SEC16A: variants seen among roughly 807,000 people sequenced by gnomAD.
SEC16A encodes SEC16 homolog A, endoplasmic reticulum export factor.
A neutral mutation model predicts 221.9 loss-of-function variants in SEC16A; 110 were observed. The ratio of observed to expected loss-of-function variants is 0.50; its 90% CI spans 0.42 to 0.58. The LOEUF is 0.58. SEC16A is among the 20% of genes least tolerant of loss of function. The pLI, the probability that SEC16A is intolerant of heterozygous loss-of-function variation, is 0.00. For missense variants in SEC16A, 3,165 were observed against 3,097.8 expected, an observed-to-expected ratio of 1.02 and a Z score of -0.52; for synonymous variants, 1,393 against 1,257.7, an observed-to-expected ratio of 1.11 and a Z score of -2.28.
At chr9:136,473,325 G>A (rs891838948) in intron 3 of SEC16A, among the ~76,000 whole-genome samples, 3 of 152,260 alleles carry the variant, frequency 2.0e-5, no homozygotes, top group Non-Finnish European at 4.4e-5. Flanking sequence ...CCCAATCGGT[G>A]TATGTTGAAC....
rs1216026874 is a variant in SEC16A, at chr9:136,475,004, C to T, written c.2612G>A (p.Ser871Asn). The change falls in exon 3 of 32, where the codon AGC becomes AAC. Residue 871 changes from serine to asparagine, a missense_variant. Ser to Asn is a conservative substitution (Grantham distance 46, BLOSUM62 1). This residue lies in a region of SEC16A where 2,030 missense variants were observed against 1,923.1 expected (regional missense o/e 1.06). Transcript: ENST00000684901. The surrounding 1 kb of genome is among the most constrained non-coding windows in gnomAD (Gnocchi z 5.0). ...AGAATCACCACCGAGAGCCCAACTG[C>T]TGACTGCAGGTCTATCCCCCACCAA... Reference protein sequence around the residue: ...EALVGDRPAVSSWALGGDSGE... With the variant: ...EALVGDRPAVNSWALGGDSGE... 1 of 1,613,764 alleles carries T rather than the reference C, an allele frequency of 6.2e-7. No individual in the cohort carries two copies. Among genetic ancestry groups the T allele is most frequent in the Admixed American group, 1.7e-5 (1 of 59,996 alleles).
rs753137789 is a variant in SEC16A, at chr9:136,466,359, G to A, written c.4033C>T (p.Arg1345Trp). 3.1e-5 allele frequency: 49 copies of A among 1,590,174 alleles called. No homozygotes were observed. The highest frequency in any genetic ancestry group is 7.1e-5 in the Admixed American group (4 of 56,552). Reference protein sequence around the residue: ...HRDPYGEEVDRRSVHSEHSAR... With the variant: ...HRDPYGEEVDWRSVHSEHSAR... ...GAGTGCTCGCTGTGGACGCTGCGCC[G>A]GTCCACCTCTTCCCCATAAGGGTCT... is the stretch of plus-strand genomic sequence containing the variant. Residue 1345 changes from arginine (R) to tryptophan (W), a missense_variant, in exon 7 of 32, where the codon CGG becomes TGG. Arg to Trp is a moderately radical substitution (Grantham distance 101). This residue lies in a region of SEC16A where 2,030 missense variants were observed against 1,923.1 expected (regional missense o/e 1.06). Transcript: ENST00000684901. The surrounding 1 kb of genome is among the most constrained non-coding windows in gnomAD (Gnocchi z 5.5).
chr9:136,463,333 C>CT (rs1839752927), intron 11 of SEC16A, 130 bp downstream of exon 11: 7 of 1,322,836 alleles, frequency 5.3e-6, no homozygotes, highest in Non-Finnish European at 7.3e-6. Context: ...AGTGTGCTTC[C>CT]TAAGGGGGCC....
chr9:136,463,734 G>A lies in SEC16A; in HGVS notation c.4453C>T (p.Leu1485=). The change falls in exon 10 of 32, where the codon CTG becomes TTG. Residue 1485 remains leucine, a synonymous_variant. Coordinates refer to ENST00000684901, the MANE Select transcript of SEC16A (RefSeq NM_014866.2). ...LVEVHSMEAL[L]QHTSEQEEMR... ...TCCTCCTGCTCAGACGTGTGCTGCA[G>A]CAAGGCCTACGAGGAGAGGGCCGTG... 6.2e-7 allele frequency: 1 copy of A among 1,611,944 alleles called. No homozygotes were observed. The highest frequency in any genetic ancestry group is 8.5e-7 in the Non-Finnish European group (1 of 1,179,730).
intron 31 of SEC16A, among the ~76,000 whole-genome samples, chr9:136,442,524 G>A (rs765244769): frequency 3.3e-5 from 5 of 152,308 alleles, no homozygotes; most frequent in African/African-American, 1.2e-4. Context: ...CTTGGACCCC[G>A]CTCAGCTCCC....
rs556047151 is a variant in SEC16A at position 136,454,932 on chromosome 9, G to T, written c.5858-605C>A. 6.6e-5 allele frequency among the ~76,000 whole-genome samples: 10 copies of T among 152,320 alleles called. No individual in the cohort carries two copies. The East Asian group carries it at 1.9e-3, about 29-fold the overall frequency. On this transcript the variant is annotated intron_variant, in intron 20 of 31. Coordinates refer to ENST00000684901, the MANE Select transcript of SEC16A (RefSeq NM_014866.2). Reference sequence around the variant, plus strand: ...TGGGCCCAAATCAGGAGTGTGGCTGGTCCACAGCGTGGGAGTGGACATGGC... The same window carrying T: ...TGGGCCCAAATCAGGAGTGTGGCTGTTCCACAGCGTGGGAGTGGACATGGC...
intron 9 of SEC16A, among the ~76,000 whole-genome samples, chr9:136,463,977 T>C (rs1468352952): frequency 1.3e-5 from 2 of 152,170 alleles, no homozygotes; most frequent in East Asian, 1.9e-4. Flanking sequence ...TCTCCCCAAA[T>C]ACTGAGGCAG....
At chr9:136,463,804 C>T in intron 9 of SEC16A, 64 bp from the exon 10 acceptor site, 1 of 1,577,402 alleles carries the variant, frequency 6.3e-7, no homozygotes, top group Non-Finnish European at 8.7e-7. Context: ...GCAGGCCGGC[C>T]AACCCAGGCA....
chr9:136,450,260 C>A (rs1298933050), intron 23 of SEC16A, among the ~76,000 whole-genome samples: 1 of 152,108 alleles, frequency 6.6e-6, no homozygotes, highest in Non-Finnish European at 1.5e-5. Flanking sequence ...AGGCAATCTA[C>A]AGATTGGGAG....
intron 22 of SEC16A, among the ~76,000 whole-genome samples, chr9:136,451,914 T>G (rs1837866738): frequency 6.6e-6 from 1 of 152,226 alleles, no homozygotes; most frequent in African/African-American, 2.4e-5. Context: ...AATCGCCTAC[T>G]GATGGGATGC....
In SEC16A at chr9:136,451,677, G is replaced by A. The variant is rs148482211; in HGVS notation, c.6160-269C>T. On this transcript the variant is annotated intron_variant, in intron 22 of 31. Transcript: ENST00000684901. Reference sequence around the variant, plus strand: ...AGCACTCAGCACTCAGAATGCAAATGAGGGCGTTCGATGGAGATTCCGGGC... The same window carrying A: ...AGCACTCAGCACTCAGAATGCAAATAAGGGCGTTCGATGGAGATTCCGGGC... 3.3e-4 allele frequency among the ~76,000 whole-genome samples: 50 copies of A among 152,316 alleles called. No individual in the cohort carries two copies. In the East Asian group the frequency reaches 6.0e-3, roughly 18 times the overall value.
intron 23 of SEC16A, among the ~76,000 whole-genome samples, chr9:136,449,003 G>T (rs1161871751): frequency 6.6e-6 from 1 of 152,220 alleles, no homozygotes; most frequent in East Asian, 1.9e-4. Flanking sequence ...TCAGAAAATG[G>T]TAAAAATGTG....
chr9:136,459,220 C>A lies in SEC16A; in HGVS notation c.5323G>T (p.Ala1775Ser). The A allele has an allele frequency of 6.2e-7, 1 of 1,613,504 alleles. No homozygotes were observed. Among genetic ancestry groups the A allele is most frequent in the African/African-American group, 1.3e-5 (1 of 74,984 alleles). Reference sequence around the variant, plus strand: ...GTCCTCTGGATTGCTTCGTTGGTTGCGAACTTTAAGAATGGCAAACTGTAG... The same window carrying A: ...GTCCTCTGGATTGCTTCGTTGGTTGAGAACTTTAAGAATGGCAAACTGTAG... ...SNHSLPFLKF[A>S]TNEAIQRTEA... The change falls in exon 17 of 32, where the codon GCA becomes TCA. Residue 1775 changes from alanine to serine, a missense_variant. Ala to Ser is a moderately conservative substitution (Grantham distance 99, BLOSUM62 1). This residue lies in a region of SEC16A where 1,088 missense variants were observed against 1,089.6 expected (regional missense o/e 1.00). Transcript: ENST00000684901. This position sits in a 1 kb window ranked among gnomAD's most constrained non-coding sequence, Gnocchi z 6.1.
chr9:136,464,217 C>T (rs114640968), intron 9 of SEC16A, among the ~76,000 whole-genome samples: 121 of 152,296 alleles, frequency 7.9e-4, no homozygotes, highest in African/African-American at 2.5e-3. Context: ...CCAAGGCAGA[C>T]GCTTACAATA....
intron 12 of SEC16A, among the ~76,000 whole-genome samples, chr9:136,461,833 G>A (rs1402509077): frequency 4.6e-5 from 7 of 152,144 alleles, no homozygotes; most frequent in African/African-American, 1.2e-4. Context: ...CAGGCCGGGC[G>A]CGGTGGCTCA....
rs776833946 is a variant in SEC16A, at chr9:136,454,336, G to A, written c.5858-9C>T. On this transcript the variant is annotated splice_polypyrimidine_tract_variant and intron_variant, in intron 20 of 31. Coordinates refer to ENST00000684901, the MANE Select transcript of SEC16A (RefSeq NM_014866.2). ...AGGGAGCGTCTGCGGAGCTGCATGG[G>A]AACGGTGGAGAAGAGGTCTGGGGTT... 2 of 1,562,080 alleles carry A rather than the reference G, an allele frequency of 1.3e-6. No individual in the cohort carries two copies. The highest frequency in any genetic ancestry group is 1.7e-6 in the Non-Finnish European group (2 of 1,153,314).
intron 1 of SEC16A, among the ~76,000 whole-genome samples, chr9:136,479,876 C>T (rs1842106585): frequency 6.6e-6 from 1 of 151,818 alleles, no homozygotes; most frequent in Non-Finnish European, 1.5e-5. Flanking sequence ...GTGGTGCGTG[C>T]CTGTAGTCCC....
Position 136,476,952 on chromosome 9 carries a change from G to C in SEC16A, c.664C>G (p.Pro222Ala). 6.2e-7 allele frequency: 1 copy of C among 1,612,810 alleles called. No homozygotes were observed. The highest frequency in any genetic ancestry group is 1.1e-5 in the South Asian group (1 of 91,074). ...PGQWGPVQGG[P>A]QPSGQHRSPC... ...GAACGATGTTGCCCCGAGGGCTGTG[G>C]GCCTCCCTGCACTGGCCCCCACTGT... Residue 222 changes from proline (P) to alanine (A), a missense_variant, in exon 3 of 32, where the codon CCA (proline) becomes GCA (alanine). Pro to Ala is a conservative substitution (Grantham distance 27). Transcript: ENST00000684901.
intron 22 of SEC16A, among the ~76,000 whole-genome samples, chr9:136,452,175 G>A (rs1261516540): frequency 6.6e-6 from 1 of 152,080 alleles, no homozygotes; most frequent in Non-Finnish European, 1.5e-5. Context: ...CGGGCTGGGC[G>A]GGGTGGCTCA....
Sources: gnomAD v4.1 joint callset for allele counts (sites outside exome capture counted in the v4.1 genomes callset) on GRCh38, gnomAD v4.1.1 for gene constraint, gnomAD v4.1.1 regional missense constraint, Gnocchi (gnomAD v3.1) non-coding constraint, MANE v1.5 for transcripts, NCBI Gene and HGNC (gene_info 2026-07-23, HGNC 2026-07-21) for gene names.